AGBL1: variants seen among roughly 807,000 people sequenced by gnomAD.
AGBL1 encodes the protein AGBL carboxypeptidase 1.
AGBL1 carries 130 observed loss-of-function variants against 118.9 expected under a neutral mutation model. The ratio of observed to expected loss-of-function variants is 1.09; its 90% CI spans 0.95 to 1.26. The LOEUF is 1.26. Among genes scored for constraint, AGBL1 ranks in the 50% most tolerant of loss-of-function variants. The pLI is 0.00. For missense variants in AGBL1, 1,584 were observed against 1,298.1 expected (o/e 1.22, Z -3.38); for synonymous variants, 555 against 478.9 (o/e 1.16, Z -2.08).
rs1333864860 is a variant in AGBL1 at position 86,615,457 on chromosome 15, G to A, written c.2995-58816G>A. 6.6e-6 allele frequency among the ~76,000 whole-genome samples: 1 copy of A among 152,204 alleles called. No homozygotes were observed. Among genetic ancestry groups the A allele is most frequent in the African/African-American group, 2.4e-5 (1 of 41,456 alleles). The stretch of plus-strand genomic sequence containing the variant: ...ATGAGATTATTTGATGGTTACTGTG[G>A]CTTTAACTAAAATAGGCAACACAAA... On this transcript the variant is annotated intron_variant, in intron 21 of 22. Transcript: ENST00000614907. This position sits in a 1 kb window ranked among gnomAD's most constrained non-coding sequence, Gnocchi z 4.3.
intron 21 of AGBL1, among the ~76,000 whole-genome samples, chr15:86,632,577 C>G (rs1203292786): frequency 3.3e-5 from 5 of 151,960 alleles, no homozygotes; most frequent in Admixed American, 1.3e-4. Context: ...TCAAGATTCT[C>G]AGATTCTCTC....
intron 23 of AGBL1, chr15:86,938,832 T>G (rs2080710904): frequency 6.6e-6 from 1 of 152,144 alleles, no homozygotes; most frequent in Non-Finnish European, 1.5e-5. Context: ...AAGACTGAAT[T>G]TATTCACCGC....
chr15:86,688,155 C>G (rs2086095870), intron 22 of AGBL1, among the ~76,000 whole-genome samples: 1 of 152,042 alleles, frequency 6.6e-6, no homozygotes, highest in African/African-American at 2.4e-5. Flanking sequence ...AAGGGGAAGG[C>G]ACATTGCTTG....
intron 17 of AGBL1, among the ~76,000 whole-genome samples, chr15:86,307,339 GATTC>G (rs1309838127): frequency 1.3e-5 from 2 of 152,046 alleles, no homozygotes; most frequent in African/African-American, 4.8e-5. Flanking sequence ...GTTAAACATG[GATTC>G]ATTCATTTAG....
At chr15:86,368,558 G>A (rs900683394) in intron 17 of AGBL1, among the ~76,000 whole-genome samples, 18 of 152,110 alleles carry the variant, frequency 1.2e-4, no homozygotes, top group African/African-American at 4.3e-4. Flanking sequence ...AAAAAGTATA[G>A]TTTATTCAAA....
intron 18 of AGBL1, among the ~76,000 whole-genome samples, chr15:86,474,427 T>C (rs2082524293): frequency 6.6e-6 from 1 of 152,208 alleles, no homozygotes; most frequent in Non-Finnish European, 1.5e-5. Context: ...CAGGAAATTA[T>C]ATCCCGTGCC....
intron 22 of AGBL1, among the ~76,000 whole-genome samples, chr15:86,684,463 C>T (rs115383174): frequency 3.4e-5 from 5 of 145,996 alleles, no homozygotes; most frequent in Admixed American, 2.7e-4. Flanking sequence ...ATAGTTCTCT[C>T]TTTTTTTTTT....
intron 22 of AGBL1, among the ~76,000 whole-genome samples, chr15:86,848,503 T>C (rs1385525587): frequency 6.6e-6 from 1 of 152,232 alleles, no homozygotes; most frequent in Non-Finnish European, 1.5e-5. Flanking sequence ...CCCTTCATCA[T>C]CTTGATCCAT....
At chr15:86,420,468 C>G (rs2081772158) in intron 18 of AGBL1, among the ~76,000 whole-genome samples, 1 of 152,126 alleles carries the variant, frequency 6.6e-6, no homozygotes, top group Admixed American at 6.5e-5. Context: ...TGAAGGTCAC[C>G]AACATCAAAG....
At position 86,480,350 on chromosome 15, in the gene AGBL1, A is replaced by C. The variant is rs533809879; in HGVS notation, c.2556-42460A>C. ...ATACTGTAAATGTACACAATTTAAA[A>C]AAAGTTTTACTAATTTTCAAAGCAC... On this transcript the variant is annotated intron_variant, in intron 18 of 22. Coordinates refer to ENST00000614907, the MANE Select transcript of AGBL1 (RefSeq NM_001386094.1). Among the ~76,000 whole-genome samples, 45 of 152,124 alleles carry C rather than the reference A, an allele frequency of 3.0e-4. 1 individual carries two copies. The highest frequency in any genetic ancestry group is 5.7e-4 in the Non-Finnish European group (39 of 68,022).
At chr15:86,860,529 C>T (rs2079546044) in intron 22 of AGBL1, among the ~76,000 whole-genome samples, 1 of 152,032 alleles carries the variant, frequency 6.6e-6, no homozygotes, top group Non-Finnish European at 1.5e-5. Flanking sequence ...AGCACAGAGG[C>T]TGTTCATTAG....
rs371621365 is a variant in AGBL1, at chr15:86,615,687, T to C, written c.2995-58586T>C. ...GCTGGCATGGGTGCAAAGACATTGA[T>C]TGACATGTTAAGAAGATTCAAAACT... is the stretch of plus-strand genomic sequence containing the variant. On this transcript the variant is annotated intron_variant, in intron 21 of 22. Coordinates refer to ENST00000614907, the MANE Select transcript of AGBL1 (RefSeq NM_001386094.1). The surrounding 1 kb of genome is among the most constrained non-coding windows in gnomAD (Gnocchi z 4.3). Among the ~76,000 whole-genome samples, 5 of 152,238 alleles carry C rather than the reference T, an allele frequency of 3.3e-5. No individual in the cohort carries two copies. Among genetic ancestry groups the C allele is most frequent in the East Asian group, 3.9e-4 (2 of 5,176 alleles).
At chr15:86,301,270 T>A (rs1242147595) in intron 17 of AGBL1, among the ~76,000 whole-genome samples, 2 of 152,084 alleles carry the variant, frequency 1.3e-5, no homozygotes, top group East Asian at 3.9e-4. Flanking sequence ...GACTATTGAG[T>A]CCTGATTTCT....
intron 5 of AGBL1, among the ~76,000 whole-genome samples, chr15:86,175,245 G>T (rs2077467725): frequency 6.6e-6 from 1 of 151,978 alleles, no homozygotes; most frequent in South Asian, 2.1e-4. Context: ...AATCTTGGTA[G>T]ATTGTATGTA....
At chr15:86,953,637 C>T (rs1007968952) in intron 23 of AGBL1, among the ~76,000 whole-genome samples, 2 of 152,058 alleles carry the variant, frequency 1.3e-5, no homozygotes, top group African/African-American at 4.8e-5. Flanking sequence ...GCAATCCACC[C>T]ACCTCGGCCT....
intron 5 of AGBL1, among the ~76,000 whole-genome samples, chr15:86,196,996 C>T (rs972463630): frequency 2.0e-5 from 3 of 151,592 alleles, no homozygotes; most frequent in African/African-American, 7.3e-5. Flanking sequence ...TCACCAGAAA[C>T]CAACCCTGCC....
At chr15:86,887,854 C>T (rs1022635650) in intron 22 of AGBL1, among the ~76,000 whole-genome samples, 3 of 151,914 alleles carry the variant, frequency 2.0e-5, no homozygotes, top group African/African-American at 7.3e-5. Context: ...AAACATATAC[C>T]CCCTCTGGAT....
At chr15:86,897,855 G>A (rs1054847581) in intron 22 of AGBL1, among the ~76,000 whole-genome samples, 1 of 133,306 alleles carries the variant, frequency 7.5e-6, no homozygotes, top group African/African-American at 2.9e-5. Flanking sequence ...CTGCAGTTTC[G>A]ACCTCCTGGG....
At chr15:86,614,801 C>A (rs12594111) in intron 21 of AGBL1, among the ~76,000 whole-genome samples, 5 of 152,230 alleles carry the variant, frequency 3.3e-5, no homozygotes, top group South Asian at 4.2e-4. Flanking sequence ...GTGGAAAAAA[C>A]CAGATTGTCA....
Sources: allele counts gnomAD v4.1 joint callset (sites outside exome capture counted in the v4.1 genomes callset), GRCh38; gene constraint gnomAD v4.1.1; non-coding constraint Gnocchi (gnomAD v3.1); transcripts MANE v1.5; gene names NCBI Gene and HGNC (gene_info 2026-07-23, HGNC 2026-07-21).